DLC1: variants seen among roughly 807,000 people sequenced by gnomAD.
The protein encoded by DLC1 is rho GTPase-activating protein 7.
Under a neutral mutation model 140.3 loss-of-function variants are expected in DLC1, and 54 were observed. The observed-to-expected ratio is 0.38, with a 90% CI of 0.31 to 0.48. The LOEUF is 0.48. Ranked by LOEUF, DLC1 falls within the 20% of genes least tolerant of loss-of-function variation. The pLI is 0.96. For synonymous variants in DLC1, 986 were observed against 728.1 expected, an observed-to-expected ratio of 1.35 and a Z score of -5.70; for missense variants, 2,536 against 1,907.0, an observed-to-expected ratio of 1.33 and a Z score of -6.14.
At chr8:13,193,297 C>A (rs954030639) in intron 5 of DLC1, among the ~76,000 whole-genome samples, 10 of 152,118 alleles carry the variant, frequency 6.6e-5, no homozygotes, top group Admixed American at 6.5e-4. Context: ...CTATCAGGGA[C>A]AACATCTTAT....
At chr8:13,399,567 T>G (rs549759065) in intron 3 of DLC1, among the ~76,000 whole-genome samples, 2 of 152,166 alleles carry the variant, frequency 1.3e-5, no homozygotes, top group Non-Finnish European at 2.9e-5. Flanking sequence ...TCCTATGAGA[T>G]TGGCTATCTC....
Position 13,224,726 on chromosome 8 carries a change from G to T in DLC1, c.1348+80543C>A, listed in dbSNP as rs144799240. ...CTCTCCTCAGTATTAGCACAGGACA[G>T]TGTGCACAGGAAGGGCTAGATATGG... On this transcript the variant is annotated intron_variant, in intron 5 of 17. Transcript: ENST00000276297. Among the ~76,000 whole-genome samples the T allele has an allele frequency of 7.2e-5, 11 of 152,294 alleles. 1 individual carries two copies. The highest frequency in any genetic ancestry group is 2.2e-4 in the African/African-American group (9 of 41,562).
intron 1 of DLC1, among the ~76,000 whole-genome samples, chr8:13,561,020 T>A (rs1804224045): frequency 6.6e-6 from 1 of 152,180 alleles, no homozygotes; most frequent in Admixed American, 6.5e-5. Flanking sequence ...ACATTTGGAA[T>A]GTCTAGGCTC....
Position 13,499,958 on chromosome 8 carries a change from G to C in DLC1, c.114C>G (p.Asp38Glu). The change falls in exon 2 of 18, where the codon GAC becomes GAG. Residue 38 changes from aspartate to glutamate, a missense_variant. Asp to Glu is a conservative substitution (Grantham distance 45). Transcript: ENST00000276297. ...CTTTTTCCATACTTGCCTGCAAGCTGTCAGCTACTAGTCCATGATGACATG... is the reference window on the plus strand; with the variant it reads ...CTTTTTCCATACTTGCCTGCAAGCTCTCAGCTACTAGTCCATGATGACATG... ...NTACHHGLVADSLQASMEKDA... is the reference protein window; with the variant it reads ...NTACHHGLVAESLQASMEKDA... The C allele has an allele frequency of 1.2e-6, 2 of 1,614,098 alleles. No homozygotes were observed. Among genetic ancestry groups the C allele is most frequent in the Non-Finnish European group, 1.7e-6 (2 of 1,180,002 alleles).
At position 13,413,256 on chromosome 8, in the gene DLC1, A is replaced by ATTTTTTTTTTTTTTTTTTTTTTTT. The variant is rs58038503; in HGVS notation, c.1024-11638_1024-11637insAAAAAAAAAAAAAAAAAAAAAAAA. 6.0e-4 allele frequency among the ~76,000 whole-genome samples: 49 copies of ATTTTTTTTTTTTTTTTTTTTTTTT among 82,008 alleles called. 9 individuals carry two copies. The highest frequency in any genetic ancestry group is 8.6e-4 in the Non-Finnish European group (38 of 44,138). The allele number at this position is 82,008 out of a possible 152,430, so 53.8% of individuals were successfully genotyped here. On this transcript the variant is annotated intron_variant, in intron 2 of 17. Coordinates refer to ENST00000276297, the MANE Select transcript of DLC1 (RefSeq NM_182643.3). ...TAAAACATTATGAGATTTTTTTGCG[A>ATTTTTTTTTTTTTTTTTTTTTTTT]TTTTTTTTTTTTTTTTTTTTTAGCT...
chr8:13,154,382 C>G (rs1423154448), intron 5 of DLC1, among the ~76,000 whole-genome samples: 1 of 152,194 alleles, frequency 6.6e-6, no homozygotes, highest in Non-Finnish European at 1.5e-5. Context: ...TGGAGCATGG[C>G]GCCTGCGGGC....
intron 4 of DLC1, chr8:13,339,943 C>T (rs1176583858): frequency 6.6e-6 from 1 of 152,126 alleles, no homozygotes; most frequent in Non-Finnish European, 1.5e-5. Context: ...ACATAAAATT[C>T]CTGCCATAAT....
intron 4 of DLC1, among the ~76,000 whole-genome samples, chr8:13,376,097 TC>T (rs1383793626): frequency 6.6e-6 from 1 of 152,156 alleles, no homozygotes; most frequent in Non-Finnish European, 1.5e-5. Flanking sequence ...CACATCGTCT[TC>T]GTGGCATCCG....
intron 4 of DLC1, among the ~76,000 whole-genome samples, chr8:13,371,817 C>A (rs1490041264): frequency 6.6e-6 from 1 of 152,110 alleles, no homozygotes; most frequent in East Asian, 1.9e-4. Context: ...TATTGTAGCT[C>A]CACTATCCAG....
intron 1 of DLC1, among the ~76,000 whole-genome samples, chr8:13,512,436 T>C (rs1802417823): frequency 6.6e-6 from 1 of 152,176 alleles, no homozygotes; most frequent in Admixed American, 6.5e-5. Context: ...GTTCAGACAT[T>C]TATTTATATA....
chr8:13,165,163 C>T (rs1434413355), intron 5 of DLC1, among the ~76,000 whole-genome samples: 1 of 152,112 alleles, frequency 6.6e-6, no homozygotes, highest in Non-Finnish European at 1.5e-5. Flanking sequence ...GTGTCCTATG[C>T]AATATTTGAT....
intron 4 of DLC1, among the ~76,000 whole-genome samples, chr8:13,317,556 G>A (rs1257358749): frequency 3.3e-5 from 5 of 152,114 alleles, no homozygotes; most frequent in African/African-American, 9.7e-5. Flanking sequence ...AGATAGAGAC[G>A]AAATGGCTAT....
At chr8:13,281,367 C>A (rs546327063) in intron 5 of DLC1, among the ~76,000 whole-genome samples, 2 of 152,168 alleles carry the variant, frequency 1.3e-5, no homozygotes, top group East Asian at 3.9e-4. Flanking sequence ...GTTTGATAGA[C>A]CAAAAAACTA....
chr8:13,109,317 G>A (rs1176523698), intron 7 of DLC1, among the ~76,000 whole-genome samples: 4 of 152,106 alleles, frequency 2.6e-5, no homozygotes, highest in Non-Finnish European at 5.9e-5. Flanking sequence ...CAGCACTTTG[G>A]GAGGCCGAGA....
chr8:13,565,712 A>G (rs1163062560), intron 1 of DLC1, among the ~76,000 whole-genome samples: 1 of 152,290 alleles, frequency 6.6e-6, no homozygotes, highest in East Asian at 1.9e-4. Context: ...AGAGAGAGAG[A>G]CAAAACTGAG....
In DLC1 at chr8:13,383,841, C is replaced by A. The variant is rs576104763; in HGVS notation, c.1314+9712G>T. On this transcript the variant is annotated intron_variant, in intron 4 of 17. Coordinates refer to ENST00000276297, the MANE Select transcript of DLC1 (RefSeq NM_182643.3). Reference sequence around the variant, plus strand: ...CGAATAAGCCAATTTCGAAGTAGATCTTGTAGCCCTGGTAAAACGTTTAGA... The same window carrying A: ...CGAATAAGCCAATTTCGAAGTAGATATTGTAGCCCTGGTAAAACGTTTAGA... Among the ~76,000 whole-genome samples the A allele has an allele frequency of 2.6e-5, 4 of 152,294 alleles. No homozygotes were observed. The East Asian group carries it at 7.7e-4, about 29-fold the overall frequency.
At chr8:13,390,789 C>G (rs1047885509) in intron 4 of DLC1, among the ~76,000 whole-genome samples, 6 of 152,016 alleles carry the variant, frequency 3.9e-5, no homozygotes, top group African/African-American at 1.4e-4. Flanking sequence ...AGATCAAGAC[C>G]ATCTTGGCTA....
chr8:13,116,205 G>C (rs544543585), intron 5 of DLC1: 1 of 985,462 alleles, frequency 1.0e-6, no homozygotes, highest in East Asian at 1.1e-4. Flanking sequence ...CAGTAGGAGA[G>C]GCCCAGGCTG....
rs776380579 is a variant in DLC1, at chr8:13,099,446, A to C, written c.2891T>G (p.Leu964Arg). The change falls in exon 9 of 18, where the codon CTG becomes CGG. Residue 964 changes from leucine to arginine, a missense_variant. Transcript: ENST00000276297. ...VDNDRTTPSD[L>R]DSTGNSLNEP... Reference sequence around the variant, plus strand: ...ATTCAGGGAGTTGCCTGTGCTGTCCAGGTCGCTGGGTGTGGTTCGGTCGTT... The same window carrying C: ...ATTCAGGGAGTTGCCTGTGCTGTCCCGGTCGCTGGGTGTGGTTCGGTCGTT... 4 of 1,614,072 alleles carry C rather than the reference A, an allele frequency of 2.5e-6. No homozygotes were observed. The highest frequency in any genetic ancestry group is 3.4e-6 in the Non-Finnish European group (4 of 1,180,012).
Sources: gnomAD v4.1 joint callset for allele counts (sites outside exome capture counted in the v4.1 genomes callset) on GRCh38, gnomAD v4.1.1 for gene constraint, MANE v1.5 for transcripts, NCBI Gene and HGNC (gene_info 2026-07-23, HGNC 2026-07-21) for gene names.